Variants in NAV2 observed in about 807,000 individuals in gnomAD.
The protein encoded by NAV2 is helicase, APC down-regulated 1.
Under a neutral mutation model 223.2 loss-of-function variants are expected in NAV2, and 54 were observed. The observed-to-expected ratio is 0.24, with a 90% confidence interval of 0.19 to 0.30. The LOEUF (loss-of-function observed/expected upper bound fraction) is 0.30. NAV2 is among the 10% of genes least tolerant of loss of function. The pLI, the probability that NAV2 is intolerant of heterozygous loss-of-function variation, is 1.00. For missense variants in NAV2, 2,806 were observed against 3,147.5 expected (o/e 0.89, Z 2.60); for synonymous variants, 1,279 against 1,239.3 (o/e 1.03, Z -0.67).
chr11:19,613,837 T>C (rs2046712698), intron 1 of NAV2, among the ~76,000 whole-genome samples: 2 of 152,240 alleles, frequency 1.3e-5, no homozygotes, highest in South Asian at 2.1e-4. Flanking sequence ...ACATAATTCA[T>C]GTGAAGTGCT....
At chr11:20,114,819 G>A in intron 37 of NAV2, 24 bp downstream of exon 37, 1 of 1,602,874 alleles carries the variant, frequency 6.2e-7, no homozygotes. Flanking sequence ...CACCAGAGCA[G>A]CTCAGCATTC....
chr11:20,107,554 T>G (rs936852865), intron 35 of NAV2, 110 bp from the exon 36 acceptor site: 5 of 819,932 alleles, frequency 6.1e-6, no homozygotes, highest in Non-Finnish European at 1.0e-5. Flanking sequence ...CTGCCATCCC[T>G]CAGAACGTCT....
At chr11:19,438,338 A>G (rs1851283288) in intron 1 of NAV2, among the ~76,000 whole-genome samples, 1 of 152,234 alleles carries the variant, frequency 6.6e-6, no homozygotes, top group African/African-American at 2.4e-5. Context: ...GTGTGGCAAG[A>G]CAGGGAGCAG....
chr11:19,810,637 T>C (rs1461689040), intron 1 of NAV2, among the ~76,000 whole-genome samples: 1 of 152,228 alleles, frequency 6.6e-6, no homozygotes, highest in African/African-American at 2.4e-5. Flanking sequence ...TCAATTCTAA[T>C]CCATTACCAC....
At chr11:19,730,148 G>A (rs981831380) in intron 1 of NAV2, among the ~76,000 whole-genome samples, 1 of 152,162 alleles carries the variant, frequency 6.6e-6, no homozygotes, top group African/African-American at 2.4e-5. Flanking sequence ...GAATGTGTTG[G>A]GGACCTTGAT....
chr11:20,000,777 G>C (rs1227125057), intron 11 of NAV2, among the ~76,000 whole-genome samples: 1 of 152,158 alleles, frequency 6.6e-6, no homozygotes, highest in African/African-American at 2.4e-5. Context: ...CTTCAGGTTT[G>C]AGCTCCACTG....
intron 6 of NAV2, among the ~76,000 whole-genome samples, chr11:19,900,517 C>T (rs1304275886): frequency 3.3e-5 from 5 of 152,046 alleles, no homozygotes; most frequent in Admixed American, 2.0e-4. Flanking sequence ...AGTGCTGTAC[C>T]CCTGCATTCC....
chr11:19,724,866 A>G (rs764855509), intron 1 of NAV2, among the ~76,000 whole-genome samples: 2 of 152,152 alleles, frequency 1.3e-5, no homozygotes, highest in Non-Finnish European at 2.9e-5. Context: ...CTACTTCCCC[A>G]TTTATTTACG....
intron 1 of NAV2, among the ~76,000 whole-genome samples, chr11:19,367,594 C>T (rs112118900): frequency 0.019 from 2,839 of 152,190 alleles, 78 homozygotes; most frequent in African/African-American, 0.065. Context: ...CTAGATCCTC[C>T]CACCCATCTG....
intron 11 of NAV2, chr11:20,022,946 A>C: frequency 3.8e-6 from 5 of 1,314,992 alleles, no homozygotes; most frequent in Non-Finnish European, 3.1e-6. Context: ...GGCCTGGGGA[A>C]TGGTGATCCC....
chr11:19,969,038 A>G (rs544074790), intron 10 of NAV2, among the ~76,000 whole-genome samples: 2 of 152,160 alleles, frequency 1.3e-5, no homozygotes, highest in East Asian at 3.9e-4. Context: ...TACAGGGAGA[A>G]ACGTGCTCAT....
At chr11:19,677,505 G>A (rs1468770677) in intron 1 of NAV2, among the ~76,000 whole-genome samples, 1 of 152,220 alleles carries the variant, frequency 6.6e-6, no homozygotes, top group African/African-American at 2.4e-5. Context: ...AGAGAGGGTC[G>A]GGCCTTGCCC....
chr11:19,643,783 A>G (rs966233018), intron 1 of NAV2, among the ~76,000 whole-genome samples: 3 of 152,214 alleles, frequency 2.0e-5, no homozygotes, highest in African/African-American at 7.2e-5. Context: ...TCCCACCAAC[A>G]GTGTAAAAGT....
chr11:19,681,112 T>G (rs1054791631), intron 1 of NAV2, among the ~76,000 whole-genome samples: 10 of 152,236 alleles, frequency 6.6e-5, no homozygotes, highest in Non-Finnish European at 1.3e-4. Context: ...AGAATTTAAC[T>G]AACTTACTAA....
chr11:19,446,831 A>C (rs1564942520), intron 1 of NAV2, among the ~76,000 whole-genome samples: 6 of 152,166 alleles, frequency 3.9e-5, no homozygotes. Flanking sequence ...TGGAGGTCTC[A>C]TGACCCCCAA....
chr11:19,749,087 A>G (rs1362165054), intron 1 of NAV2, among the ~76,000 whole-genome samples: 2 of 152,182 alleles, frequency 1.3e-5, no homozygotes, highest in Admixed American at 6.5e-5. Flanking sequence ...TAGAATTTCA[A>G]ATGGACTCTT....
At chr11:19,791,873 A>G (rs1007633673) in intron 1 of NAV2, among the ~76,000 whole-genome samples, 10 of 152,080 alleles carry the variant, frequency 6.6e-5, no homozygotes, top group African/African-American at 2.4e-4. Context: ...ATTCCTCTCC[A>G]CCTAAGATGA....
chr11:19,641,021 A>G (rs11025207), intron 1 of NAV2, among the ~76,000 whole-genome samples: 2,038 of 152,252 alleles, frequency 0.013, 53 homozygotes, highest in East Asian at 0.077. Context: ...GGATCAGAGC[A>G]TCAGTGTTTT....
chr11:20,080,327 G>T, intron 25 of NAV2, 118 bp downstream of exon 25: 1 of 936,296 alleles, frequency 1.1e-6, no homozygotes, highest in Non-Finnish European at 1.6e-6. Flanking sequence ...AGCACTTTGG[G>T]CGTAGATCCC....
Sources: allele counts gnomAD v4.1 joint callset (sites outside exome capture counted in the v4.1 genomes callset), GRCh38; gene constraint gnomAD v4.1.1; transcripts MANE v1.5; gene names NCBI Gene and HGNC (gene_info 2026-07-23, HGNC 2026-07-21).